Variants in SCAI observed in about 807,000 individuals in gnomAD.
SCAI encodes the protein protein SCAI.
In SCAI, 24 loss-of-function variants were observed where a neutral mutation model predicts 92.2. That is an observed-to-expected ratio of 0.26 (90% CI 0.19 to 0.37). The LOEUF is 0.37. Among genes scored for constraint, SCAI ranks in the 10% least tolerant of loss-of-function variants. The probability of loss-of-function intolerance (pLI) is 1.00; values close to 1 mark genes in which losing one functional copy is unlikely to be tolerated. For missense variants in SCAI, 450 were observed against 736.2 expected, an observed-to-expected ratio of 0.61 and a Z score of 4.50; for synonymous variants, 261 against 258.6, an observed-to-expected ratio of 1.01 and a Z score of -0.09.
chr9:125,006,742 G>C (rs548174179), intron 9 of SCAI, among the ~76,000 whole-genome samples: 7 of 152,072 alleles, frequency 4.6e-5, no homozygotes, highest in African/African-American at 1.7e-4. Flanking sequence ...TGCCCGCCTC[G>C]GCCTCCCACA....
At chr9:124,975,425 A>C (rs181043562) in intron 15 of SCAI, 2 of 453,186 alleles carry the variant, frequency 4.4e-6, no homozygotes, top group African/African-American at 4.0e-5. Context: ...AACAGTGACA[A>C]GTACTGCTAA....
At chr9:125,081,101 C>A (rs1364355493) in intron 2 of SCAI, among the ~76,000 whole-genome samples, 1 of 152,162 alleles carries the variant, frequency 6.6e-6, no homozygotes, top group African/African-American at 2.4e-5. Flanking sequence ...AAACCTCTTT[C>A]TTTTGTAATT....
intron 2 of SCAI, among the ~76,000 whole-genome samples, chr9:125,062,157 G>C (rs1021451297): frequency 6.6e-6 from 1 of 151,216 alleles, no homozygotes; most frequent in African/African-American, 2.4e-5. Flanking sequence ...ACAGGGTCTC[G>C]CTATGTTGCC....
intron 2 of SCAI, among the ~76,000 whole-genome samples, chr9:125,141,498 A>T (rs1295219317): frequency 6.6e-6 from 1 of 152,200 alleles, no homozygotes; most frequent in Non-Finnish European, 1.5e-5. Context: ...ATGCAGTCAA[A>T]AATGTTTATG....
chr9:125,036,087 C>A (rs1413812879), intron 3 of SCAI, among the ~76,000 whole-genome samples: 1 of 152,010 alleles, frequency 6.6e-6, no homozygotes, highest in Admixed American at 6.6e-5. Flanking sequence ...GAGGTTGAGG[C>A]TGCAATAAGC....
intron 13 of SCAI, among the ~76,000 whole-genome samples, chr9:124,996,599 G>A (rs550145771): frequency 1.3e-5 from 2 of 151,226 alleles, no homozygotes; most frequent in African/African-American, 4.9e-5. Context: ...CACCATGCTC[G>A]GTCCAACAAT....
intron 9 of SCAI, among the ~76,000 whole-genome samples, chr9:125,005,363 G>A (rs113993212): frequency 3.0e-4 from 46 of 151,560 alleles, no homozygotes; most frequent in African/African-American, 1.0e-3. Context: ...TGTGAGTTTC[G>A]CTCTGTCACT....
chr9:125,130,624 C>T (rs1424036350), intron 2 of SCAI, among the ~76,000 whole-genome samples: 2 of 151,908 alleles, frequency 1.3e-5, no homozygotes, highest in African/African-American at 2.4e-5. Context: ...AGCGATTCCC[C>T]TGACTCAGCC....
intron 3 of SCAI, among the ~76,000 whole-genome samples, chr9:125,031,988 T>A (rs1395827570): frequency 1.3e-5 from 2 of 151,834 alleles, no homozygotes; most frequent in Non-Finnish European, 2.9e-5. Flanking sequence ...TCTCTAAGTT[T>A]ATCTGTCTAC....
chr9:125,121,146 TTC>T (rs928236847), intron 2 of SCAI, among the ~76,000 whole-genome samples: 1 of 151,850 alleles, frequency 6.6e-6, no homozygotes, highest in African/African-American at 2.4e-5. Flanking sequence ...ATTCATTTCA[TTC>T]TCTGTTGTTA....
At chr9:125,012,117 C>A (rs1438701356) in intron 9 of SCAI, among the ~76,000 whole-genome samples, 1 of 152,148 alleles carries the variant, frequency 6.6e-6, no homozygotes, top group Non-Finnish European at 1.5e-5. Flanking sequence ...GAAGAAACTG[C>A]ATCAACTAAC....
At chr9:125,081,851 G>A (rs184381934) in intron 2 of SCAI, among the ~76,000 whole-genome samples, 1 of 152,152 alleles carries the variant, frequency 6.6e-6, no homozygotes, top group Non-Finnish European at 1.5e-5. Context: ...TTACAGACAT[G>A]AGCCACCATG....
At chr9:125,042,573 T>C (rs1009069540) in intron 3 of SCAI, among the ~76,000 whole-genome samples, 3 of 149,766 alleles carry the variant, frequency 2.0e-5, no homozygotes, top group Non-Finnish European at 4.4e-5. Context: ...TTAACTTCTC[T>C]TTCCTTAGTC....
chr9:124,976,106 G>A lies in SCAI; in HGVS notation c.1399+8C>T, dbSNP rs559698997. On this transcript the variant is annotated splice_region_variant and intron_variant, in intron 15 of 17. Transcript: ENST00000336505. ...CCTATGGCTATACCAGGCAATGAGGGTACATACCTTGTAAAGCTTTTGGAT... is the reference window on the plus strand; with the variant it reads ...CCTATGGCTATACCAGGCAATGAGGATACATACCTTGTAAAGCTTTTGGAT... 1 of 1,579,014 alleles carries A rather than the reference G, an allele frequency of 6.3e-7. No homozygotes were observed.
chr9:125,075,453 G>C (rs1003030455), intron 2 of SCAI, among the ~76,000 whole-genome samples: 1 of 151,036 alleles, frequency 6.6e-6, no homozygotes, highest in East Asian at 1.9e-4. Context: ...TACTCTGTCA[G>C]TGGCATGATC....
intron 2 of SCAI, among the ~76,000 whole-genome samples, chr9:125,120,950 T>A (rs1297192289): frequency 2.6e-5 from 4 of 151,534 alleles, no homozygotes; most frequent in Admixed American, 2.6e-4. Context: ...AGTGATAAAA[T>A]AAGGAAACAT....
intron 2 of SCAI, among the ~76,000 whole-genome samples, chr9:125,099,716 A>G (rs1322566418): frequency 1.3e-5 from 2 of 152,226 alleles, no homozygotes; most frequent in Non-Finnish European, 2.9e-5. Flanking sequence ...TGTGTCTGTC[A>G]GTAACAGGTG....
At chr9:124,962,284 C>T (rs887245056) in intron 17 of SCAI, among the ~76,000 whole-genome samples, 1 of 151,366 alleles carries the variant, frequency 6.6e-6, no homozygotes, top group African/African-American at 2.4e-5. Context: ...CTCAGCCTCC[C>T]GAGTAGCTGA....
At position 125,142,633 on chromosome 9, in the gene SCAI, C is replaced by G. The variant is rs754728252; in HGVS notation, c.98G>C (p.Arg33Thr). 6 of 1,613,582 alleles carry G rather than the reference C, an allele frequency of 3.7e-6. No homozygotes were observed. The South Asian group carries it at 4.4e-5, about 12-fold the overall frequency. The change falls in exon 2 of 18, where the codon AGG becomes ACG. Residue 33 changes from arginine to threonine, a missense_variant and splice_region_variant. By Grantham distance (71) the Arg-to-Thr change is moderately conservative. Coordinates refer to ENST00000336505, the MANE Select transcript of SCAI (RefSeq NM_001144877.3). Reference protein sequence around the residue: ...VEKPPRKRRSRTEFALKEIMS... With the variant: ...VEKPPRKRRSTTEFALKEIMS... ...GCAAAATAGGAAGGCACTGCCTTAC[C>G]TGCTTCTCCGTTTTCGAGGCGGTTT...
Sources: gnomAD v4.1 joint callset for allele counts (sites outside exome capture counted in the v4.1 genomes callset) on GRCh38, gnomAD v4.1.1 for gene constraint, MANE v1.5 for transcripts, NCBI Gene and HGNC (gene_info 2026-07-23, HGNC 2026-07-21) for gene names.